DTNB: variants seen among roughly 807,000 people sequenced by gnomAD.
DTNB encodes dystrobrevin beta, also known as DTN-B.
DTNB carries 63 observed loss-of-function variants against 90.7 expected under a neutral mutation model. The ratio of observed to expected loss-of-function variants is 0.69; its 90% CI spans 0.57 to 0.86. The LOEUF is 0.86. Among genes scored for constraint, DTNB ranks in the 40% least tolerant of loss-of-function variants. DTNB has a pLI of 0.00. For synonymous variants in DTNB, 277 were observed against 286.7 expected (o/e 0.97, Z 0.34); for missense variants, 744 against 807.1 (o/e 0.92, Z 0.95).
chr2:25,615,330 G>A (rs1024355634), intron 4 of DTNB, among the ~76,000 whole-genome samples: 4 of 151,974 alleles, frequency 2.6e-5, no homozygotes, highest in Non-Finnish European at 4.4e-5. Flanking sequence ...CATTACCTAG[G>A]GGTGACTGAT....
At chr2:25,395,514 G>A (rs901022854) in intron 16 of DTNB, among the ~76,000 whole-genome samples, 1 of 148,682 alleles carries the variant, frequency 6.7e-6, no homozygotes, top group Non-Finnish European at 1.5e-5. Context: ...GTATATTTAT[G>A]TACATAAATA....
intron 8 of DTNB, among the ~76,000 whole-genome samples, chr2:25,551,255 A>G (rs995608423): frequency 5.3e-5 from 8 of 152,202 alleles, no homozygotes; most frequent in Non-Finnish European, 7.3e-5. Context: ...AATGCGCATG[A>G]AAGTCTATCC....
chr2:25,453,484 T>C (rs2059568642), intron 11 of DTNB, among the ~76,000 whole-genome samples: 1 of 152,226 alleles, frequency 6.6e-6, no homozygotes, highest in Admixed American at 6.5e-5. Context: ...TCACTCATCA[T>C]GTTCTCCCAG....
intron 10 of DTNB, among the ~76,000 whole-genome samples, chr2:25,471,313 T>C (rs1011275359): frequency 1.3e-5 from 2 of 152,208 alleles, no homozygotes; most frequent in Non-Finnish European, 2.9e-5. Flanking sequence ...GGTCTCGTCT[T>C]GATGAAGTAG....
chr2:25,381,703 CAT>C (rs1208047666), intron 19 of DTNB, among the ~76,000 whole-genome samples: 8 of 152,244 alleles, frequency 5.3e-5, no homozygotes, highest in African/African-American at 1.2e-4. Context: ...GTCCGTGCCA[CAT>C]ATGTCATTCT....
At chr2:25,615,395 A>C (rs1340326886) in intron 4 of DTNB, among the ~76,000 whole-genome samples, 1 of 152,122 alleles carries the variant, frequency 6.6e-6, no homozygotes, top group East Asian at 1.9e-4. Context: ...CTTGGAGGTT[A>C]AGGAGTGGGG....
At chr2:25,537,309 A>AT (rs1276174082) in intron 8 of DTNB, among the ~76,000 whole-genome samples, 1 of 152,060 alleles carries the variant, frequency 6.6e-6, no homozygotes, top group African/African-American at 2.4e-5. Context: ...TAATTTCATG[A>AT]TTTTTTGCTA....
chr2:25,446,408 G>GT (rs1040295256), intron 12 of DTNB, among the ~76,000 whole-genome samples: 2,421 of 147,196 alleles, frequency 0.016, 67 homozygotes, highest in African/African-American at 0.056. Flanking sequence ...GGCTATTTTT[G>GT]TTTTTTTTTT....
intron 2 of DTNB, 27 bp downstream of exon 2, chr2:25,652,567 A>G (rs201620707): frequency 1.3e-6 from 2 of 1,566,906 alleles, no homozygotes; most frequent in African/African-American, 1.4e-5. Context: ...ACATTCCCGC[A>G]CATATGAACA....
chr2:25,640,498 T>C (rs2148843285), intron 2 of DTNB, among the ~76,000 whole-genome samples: 1 of 152,340 alleles, frequency 6.6e-6, no homozygotes, highest in Non-Finnish European at 1.5e-5. Flanking sequence ...TTCCTCCTGA[T>C]GTCATGATTA....
At chr2:25,437,313 G>C (rs961223913) in intron 12 of DTNB, among the ~76,000 whole-genome samples, 1 of 151,476 alleles carries the variant, frequency 6.6e-6, no homozygotes, top group Non-Finnish European at 1.5e-5. Flanking sequence ...CCAAGCTGGA[G>C]TGCAGTGGCA....
At chr2:25,585,694 T>G (rs1477332797) in intron 6 of DTNB, among the ~76,000 whole-genome samples, 4 of 152,220 alleles carry the variant, frequency 2.6e-5, no homozygotes, top group Admixed American at 1.3e-4. Context: ...ATAGAAATAT[T>G]TACCCATTGC....
At chr2:25,467,360 A>C (rs897384488) in intron 10 of DTNB, among the ~76,000 whole-genome samples, 3 of 142,990 alleles carry the variant, frequency 2.1e-5, no homozygotes, top group Non-Finnish European at 3.0e-5. Context: ...GTGCAGTGGT[A>C]TGATCACAAC....
chr2:25,379,082 T>C (rs909317408), intron 20 of DTNB, among the ~76,000 whole-genome samples: 1 of 152,102 alleles, frequency 6.6e-6, no homozygotes, highest in African/African-American at 2.4e-5. Context: ...CTGCAGACAG[T>C]GCTGTGCAAG....
intron 2 of DTNB, among the ~76,000 whole-genome samples, chr2:25,649,609 C>T (rs932239531): frequency 3.3e-5 from 5 of 152,090 alleles, no homozygotes; most frequent in African/African-American, 1.2e-4. Context: ...GTCCCAGATA[C>T]TCAGAAGGCT....
intron 2 of DTNB, among the ~76,000 whole-genome samples, chr2:25,640,679 G>T (rs771665579): frequency 1.3e-5 from 2 of 152,124 alleles, no homozygotes; most frequent in Admixed American, 6.6e-5. Flanking sequence ...GGGGGCTGAG[G>T]TAGGAGGATC....
chr2:25,463,076 C>T (rs1220022132), intron 10 of DTNB, among the ~76,000 whole-genome samples: 1 of 152,184 alleles, frequency 6.6e-6, no homozygotes, highest in Non-Finnish European at 1.5e-5. Context: ...TGACCTCTCC[C>T]TCGAGCTCCA....
intron 1 of DTNB, among the ~76,000 whole-genome samples, chr2:25,658,774 G>C (rs2082566306): frequency 6.6e-6 from 1 of 152,202 alleles, no homozygotes; most frequent in South Asian, 2.1e-4. Context: ...AGCAGGCAGT[G>C]AACTGAGTAG....
Position 25,596,239 on chromosome 2 carries a change from A to G in DTNB, c.450T>C (p.Tyr150=), listed in dbSNP as rs201826681. ...TGGAATCTGACATCTGGGAGAAAAC[A>G]TCTATGAGAACAAAACCAAATAAAG... ...CGGKMLDKLR[Y]VFSQMSDSNG... is the part of the protein sequence containing the mutation. The change falls in exon 6 of 21, where the codon TAT becomes TAC. Residue 150 remains tyrosine (Y), a splice_region_variant and synonymous_variant. Transcript: ENST00000406818. 3 of 1,605,368 alleles carry G rather than the reference A, an allele frequency of 1.9e-6. No individual in the cohort carries two copies. The highest frequency in any genetic ancestry group is 1.3e-5 in the African/African-American group (1 of 74,370).
Sources: gnomAD v4.1 joint callset for allele counts (sites outside exome capture counted in the v4.1 genomes callset) on GRCh38, gnomAD v4.1.1 for gene constraint, MANE v1.5 for transcripts, NCBI Gene and HGNC (gene_info 2026-07-23, HGNC 2026-07-21) for gene names.